Variants in TBL1XR1 observed in about 807,000 individuals in gnomAD.
TBL1XR1 encodes TBL1X/Y related 1.
A neutral mutation model predicts 66.9 loss-of-function variants in TBL1XR1; 5 were observed. That is an observed-to-expected ratio of 0.07 (90% CI 0.04 to 0.16). The LOEUF (loss-of-function observed/expected upper bound fraction) is 0.16. Ranked by LOEUF, TBL1XR1 falls within the 10% of genes least tolerant of loss-of-function variation. The probability of loss-of-function intolerance (pLI) is 1.00; values close to 1 mark genes in which losing one functional copy is unlikely to be tolerated. For missense variants in TBL1XR1, 238 were observed against 623.2 expected (o/e 0.38, Z 6.58); for synonymous variants, 210 against 206.0 (o/e 1.02, Z -0.17).
chr3:177,182,105 C>G (rs1734897081), intron 1 of TBL1XR1, among the ~76,000 whole-genome samples: 1 of 152,180 alleles, frequency 6.6e-6, no homozygotes, highest in Admixed American at 6.5e-5. Context: ...ACAGCACAGC[C>G]AGTCCCAGTG....
At chr3:177,146,713 G>A (rs557917192) in intron 1 of TBL1XR1, among the ~76,000 whole-genome samples, 2 of 151,430 alleles carry the variant, frequency 1.3e-5, no homozygotes, top group South Asian at 2.1e-4. Context: ...AAACTATCAC[G>A]TGAAATCTCA....
At chr3:177,117,266 A>G (rs2108745464) in intron 1 of TBL1XR1, among the ~76,000 whole-genome samples, 1 of 152,342 alleles carries the variant, frequency 6.6e-6, no homozygotes, top group African/African-American at 2.4e-5. Flanking sequence ...CTGTCTTCCA[A>G]ATAGTAGCTG....
At position 177,020,388 on chromosome 3, in the gene TBL1XR1, C is replaced by G. The variant is rs953259996; in HGVS notation, c.*5110G>C. On this transcript the variant is annotated 3_prime_UTR_variant, in exon 16 of 16. Transcript: ENST00000457928. The stretch of plus-strand genomic sequence containing the variant: ...ATACTTTAATAAAAATAGTAAATAA[C>G]CCCTTCATTTAAAAAAATCTTATCT... 2.0e-5 allele frequency: 3 copies of G among 152,124 alleles called. No homozygotes were observed. Among genetic ancestry groups the G allele is most frequent in the South Asian group, 2.1e-4 (1 of 4,816 alleles). The allele number at this position is 152,124 out of a possible 1,614,324, so 9.4% of individuals were successfully genotyped here.
intron 1 of TBL1XR1, among the ~76,000 whole-genome samples, chr3:177,149,725 A>G (rs1730663886): frequency 6.6e-6 from 1 of 151,984 alleles, no homozygotes; most frequent in Non-Finnish European, 1.5e-5. Context: ...GGGGGGCCGG[A>G]GGGGGACACA....
At chr3:177,033,171 T>G (rs1714248214) in intron 13 of TBL1XR1, 35 bp from the exon 14 acceptor site, 1 of 1,485,064 alleles carries the variant, frequency 6.7e-7, no homozygotes, top group African/African-American at 1.4e-5. Context: ...AATTTATAAG[T>G]AAGGAAATAC....
intron 1 of TBL1XR1, among the ~76,000 whole-genome samples, chr3:177,129,816 C>CAGGTT (rs1728068885): frequency 6.6e-6 from 1 of 152,122 alleles, no homozygotes; most frequent in Non-Finnish European, 1.5e-5. Context: ...ATAACTACAA[C>CAGGTT]CTCCATGAAG....
At chr3:177,036,938 T>C (rs1714873987) in intron 12 of TBL1XR1, among the ~76,000 whole-genome samples, 1 of 152,230 alleles carries the variant, frequency 6.6e-6, no homozygotes, top group East Asian at 1.9e-4. Flanking sequence ...TCATTTATTT[T>C]GGAAATAAGT....
intron 14 of TBL1XR1, among the ~76,000 whole-genome samples, chr3:177,028,386 A>T (rs1713456911): frequency 1.3e-5 from 2 of 152,244 alleles, no homozygotes; most frequent in Non-Finnish European, 2.9e-5. Context: ...AGTATCTTCC[A>T]TTAGCACTCT....
intron 1 of TBL1XR1, among the ~76,000 whole-genome samples, chr3:177,119,930 C>CT: frequency 6.6e-6 from 1 of 152,226 alleles, no homozygotes; most frequent in East Asian, 1.9e-4. Flanking sequence ...GGATATCCTC[C>CT]TTTTTGCTAA....
At chr3:177,107,515 A>C (rs555788594) in intron 1 of TBL1XR1, among the ~76,000 whole-genome samples, 1 of 152,132 alleles carries the variant, frequency 6.6e-6, no homozygotes, top group Non-Finnish European at 1.5e-5. Flanking sequence ...TTTTTAGTGG[A>C]ATATTCTTAA....
At chr3:177,162,252 G>A (rs1362777837) in intron 1 of TBL1XR1, among the ~76,000 whole-genome samples, 1 of 152,152 alleles carries the variant, frequency 6.6e-6, no homozygotes, top group African/African-American at 2.4e-5. Flanking sequence ...AGAAACTACT[G>A]CTTGATACAA....
intron 1 of TBL1XR1, among the ~76,000 whole-genome samples, chr3:177,121,034 T>TACTAC (rs1289929809): frequency 6.6e-6 from 1 of 152,228 alleles, no homozygotes; most frequent in Non-Finnish European, 1.5e-5. Context: ...AAATACTGCA[T>TACTAC]ACTACAATTC....
At chr3:177,182,507 T>G (rs1734946461) in intron 1 of TBL1XR1, among the ~76,000 whole-genome samples, 1 of 152,004 alleles carries the variant, frequency 6.6e-6, no homozygotes, top group South Asian at 2.1e-4. Flanking sequence ...GCAACAAGAG[T>G]CTACTGTACT....
chr3:177,163,796 G>C (rs1732501089), intron 1 of TBL1XR1, among the ~76,000 whole-genome samples: 1 of 152,100 alleles, frequency 6.6e-6, no homozygotes, highest in Non-Finnish European at 1.5e-5. Context: ...ATATTACCTA[G>C]CCAACAAATC....
intron 14 of TBL1XR1, among the ~76,000 whole-genome samples, chr3:177,028,229 A>G (rs779965074): frequency 2.6e-5 from 4 of 151,914 alleles, no homozygotes; most frequent in Non-Finnish European, 5.9e-5. Context: ...ACCTGGATGT[A>G]TATACAACAA....
At chr3:177,064,072 T>TAAA (rs1349708221) in intron 3 of TBL1XR1, among the ~76,000 whole-genome samples, 3 of 152,190 alleles carry the variant, frequency 2.0e-5, no homozygotes, top group Non-Finnish European at 2.9e-5. Context: ...AGACCTCTAC[T>TAAA]TTATCCTTCC....
At chr3:177,157,837 G>A (rs1189045440) in intron 1 of TBL1XR1, among the ~76,000 whole-genome samples, 3 of 152,112 alleles carry the variant, frequency 2.0e-5, no homozygotes, top group East Asian at 1.9e-4. Context: ...AGTTTTATAC[G>A]TGATCTTCGT....
At chr3:177,046,516 T>C (rs1421737477) in intron 9 of TBL1XR1, among the ~76,000 whole-genome samples, 3 of 152,168 alleles carry the variant, frequency 2.0e-5, no homozygotes, top group African/African-American at 7.2e-5. Context: ...TATAGATGTT[T>C]AGTAAGAGAG....
chr3:177,166,187 G>C (rs1333395731), intron 1 of TBL1XR1, among the ~76,000 whole-genome samples: 2 of 152,084 alleles, frequency 1.3e-5, no homozygotes, highest in South Asian at 4.1e-4. Flanking sequence ...AGGAGTTTGA[G>C]ACCAGCTTGG....
Sources: allele counts gnomAD v4.1 joint callset (sites outside exome capture counted in the v4.1 genomes callset), GRCh38; gene constraint gnomAD v4.1.1; transcripts MANE v1.5; gene names NCBI Gene and HGNC (gene_info 2026-07-23, HGNC 2026-07-21).